The following HSD17B10 variants were observed in gnomAD, a reference collection of about 807,000 sequenced individuals.
HSD17B10 encodes the protein hydroxysteroid 17-beta dehydrogenase 10.
For synonymous variants in HSD17B10, 90 were observed against 85.9 expected, an observed-to-expected ratio of 1.05 and a Z score of -0.26; for missense variants, 87 against 219.4, an observed-to-expected ratio of 0.40 and a Z score of 3.81.
rs1215705866 is a variant in HSD17B10, at chrX:53,432,422, A to C, written c.193-11T>G. ...CTTCTCAGAGGTCACCTTCAAAGAGAGAAGTGGAGAAGGTATTCATCTCCC... is the reference window on the plus strand; with the variant it reads ...CTTCTCAGAGGTCACCTTCAAAGAGCGAAGTGGAGAAGGTATTCATCTCCC... On this transcript the variant is annotated splice_polypyrimidine_tract_variant and intron_variant, in intron 2 of 5. Coordinates refer to ENST00000168216, the MANE Select transcript of HSD17B10 (RefSeq NM_004493.3). The C allele has an allele frequency of 2.5e-6, 3 of 1,191,103 alleles. No individual in the cohort carries two copies. Among genetic ancestry groups the C allele is most frequent in the Non-Finnish European group, 3.4e-6 (3 of 882,727 alleles).
At chrX:53,431,941 C>G (rs1569365681) in intron 4 of HSD17B10, 35 bp from the exon 5 acceptor site, 9 of 1,210,399 alleles carry the variant, frequency 7.4e-6, no homozygotes, top group Non-Finnish European at 1.0e-5. Flanking sequence ...GTGGGAGGGC[C>G]CCAACAAGTC....
At chrX:53,432,223 C>T in intron 3 of HSD17B10, 24 bp downstream of exon 3, 1 of 1,208,362 alleles carries the variant, frequency 8.3e-7, no homozygotes, top group Non-Finnish European at 1.1e-6. Flanking sequence ...TACCACTATC[C>T]CTGGAGAACT....
At chrX:53,434,170 A>C in intron 1 of HSD17B10, 149 bp downstream of exon 1, 1 of 643,297 alleles carries the variant, frequency 1.6e-6, no homozygotes, top group Non-Finnish European at 2.5e-6. Flanking sequence ...CGGAGTGCTG[A>C]CTTTCACCTC....
intron 3 of HSD17B10, 27 bp from the exon 4 acceptor site, chrX:53,432,143 A>C: frequency 8.3e-7 from 1 of 1,211,218 alleles, no homozygotes; most frequent in Non-Finnish European, 1.1e-6. Flanking sequence ...GACATGCTAT[A>C]GGACCTGAGG....
intron 2 of HSD17B10, 132 bp from the exon 3 acceptor site, chrX:53,432,543 G>A: frequency 1.7e-6 from 1 of 587,430 alleles, no homozygotes; most frequent in Non-Finnish European, 2.9e-6. Flanking sequence ...GAGGCCAAGA[G>A]AAAGGTTGTA....
Position 53,431,296 on chromosome X carries a change from G to A in HSD17B10, c.*108C>T, listed in dbSNP as rs1201199641. On this transcript the variant is annotated 3_prime_UTR_variant, in exon 6 of 6. Transcript: ENST00000168216. ...AGAGACTTTATTAGGCACAGAGGGC[G>A]ACTGGTAGGCAGTTACAAAATGGCT... is the stretch of plus-strand genomic sequence containing the variant. The A allele has an allele frequency of 2.6e-6, 2 of 756,090 alleles. No homozygotes were observed. The highest frequency in any genetic ancestry group is 2.0e-6 in the Non-Finnish European group (1 of 497,745). The allele number at this position is 756,090 out of a possible 1,213,427, so 62.3% of individuals were successfully genotyped here.
chrX:53,431,440 G>A lies in HSD17B10; in HGVS notation c.750C>T (p.Val250=). 2 of 1,210,841 alleles carry A rather than the reference G, an allele frequency of 1.7e-6. No individual in the cohort carries two copies. Among genetic ancestry groups the A allele is most frequent in the Non-Finnish European group, 2.2e-6 (2 of 894,990 alleles). ...TACGAATGGCCCCATCCAGCCGGAT[G>A]ACCTCTCCATTGAGGAATGGGTTCT... is the stretch of plus-strand genomic sequence containing the variant. ...IIENPFLNGE[V]IRLDGAIRMQ... Residue 250 remains valine, a synonymous_variant, in exon 6 of 6, where the codon GTC becomes GTT. Coordinates refer to ENST00000168216, the MANE Select transcript of HSD17B10 (RefSeq NM_004493.3).
Position 53,431,285 on chromosome X carries a change from G to A in HSD17B10, c.*119C>T, listed in dbSNP as rs782466317. ...CTGTGAGAAAAAGAGACTTTATTAG[G>A]CACAGAGGGCGACTGGTAGGCAGTT... is the stretch of plus-strand genomic sequence containing the variant. On this transcript the variant is annotated 3_prime_UTR_variant, in exon 6 of 6. Coordinates refer to ENST00000168216, the MANE Select transcript of HSD17B10 (RefSeq NM_004493.3). 106 of 705,111 alleles carry A rather than the reference G, an allele frequency of 1.5e-4. 1 individual carries two copies. In the Middle Eastern group the frequency reaches 2.7e-3, roughly 18 times the overall value. The allele number at this position is 705,111 out of a possible 1,213,427, so 58.1% of individuals were successfully genotyped here.
Position 53,431,790 on chromosome X carries a change from A to G in HSD17B10, c.595+8T>C. 8.4e-7 allele frequency: 1 copy of G among 1,187,814 alleles called. No individual in the cohort carries two copies. Among genetic ancestry groups the G allele is most frequent in the Non-Finnish European group, 1.1e-6 (1 of 874,541 alleles). ...CCCAGGTATGATGGAGAGAGGGGAT[A>G]TGTCTACCTGGGGCAATGGTCATCA... On this transcript the variant is annotated splice_region_variant and intron_variant, in intron 5 of 5. Coordinates refer to ENST00000168216, the MANE Select transcript of HSD17B10 (RefSeq NM_004493.3).
chrX:53,432,171 C>G, intron 3 of HSD17B10, 55 bp from the exon 4 acceptor site: 1 of 1,209,976 alleles, frequency 8.3e-7, no homozygotes, highest in Non-Finnish European at 1.1e-6. Flanking sequence ...AGCCTTTGTC[C>G]CCTAAAAACT....
At chrX:53,431,928 T>C (rs782167456) in intron 4 of HSD17B10, 22 bp from the exon 5 acceptor site, 3 of 1,209,364 alleles carry the variant, frequency 2.5e-6, no homozygotes, top group Admixed American at 4.3e-5. Context: ...GTAGAAGTCA[T>C]AGGTGGGAGG....
rs949464841 is a variant in HSD17B10, at chrX:53,431,985, C to T, written c.486+3G>A. On this transcript the variant is annotated splice_donor_region_variant and intron_variant, in intron 4 of 5. Coordinates refer to ENST00000168216, the MANE Select transcript of HSD17B10 (RefSeq NM_004493.3). Reference sequence around the variant, plus strand: ...GGCATAAGTCTTACCCCTGCCCACACACCTGACCCTCGAAGGCAGCCACAC... The same window carrying T: ...GGCATAAGTCTTACCCCTGCCCACATACCTGACCCTCGAAGGCAGCCACAC... The T allele has an allele frequency of 4.5e-5, 54 of 1,209,708 alleles. No individual in the cohort carries two copies. Among genetic ancestry groups the T allele is most frequent in the Non-Finnish European group, 5.8e-5 (52 of 895,159 alleles).
At chrX:53,434,038 C>T (rs1737710660) in intron 1 of HSD17B10, 152 bp from the exon 2 acceptor site, 1 of 656,427 alleles carries the variant, frequency 1.5e-6, no homozygotes, top group Non-Finnish European at 2.4e-6. Flanking sequence ...TGCTTCTCCT[C>T]AGCGTTGGGA....
At chrX:53,432,146 A>G in intron 3 of HSD17B10, 30 bp from the exon 4 acceptor site, 1 of 1,211,059 alleles carries the variant, frequency 8.3e-7, no homozygotes, top group East Asian at 3.0e-5. Context: ...ATGCTATAGG[A>G]CCTGAGGCAG....
intron 4 of HSD17B10, 21 bp downstream of exon 4, chrX:53,431,967 G>A: frequency 4.1e-6 from 5 of 1,211,342 alleles, no homozygotes; most frequent in Non-Finnish European, 5.6e-6. Context: ...GGAGGCATAA[G>A]TCTTACCCCT....
At chrX:53,431,631 C>T in intron 5 of HSD17B10, 37 bp from the exon 6 acceptor site, 2 of 1,124,922 alleles carry the variant, frequency 1.8e-6, no homozygotes, top group Non-Finnish European at 2.4e-6. Context: ...CTCACCCTTG[C>T]TTTCATGATT....
In HSD17B10 at chrX:53,434,338, G is replaced by A. The variant is rs1556895066; in HGVS notation, c.8C>T (p.Ala3Val). 1.7e-6 allele frequency: 2 copies of A among 1,167,179 alleles called. No individual in the cohort carries two copies. Among genetic ancestry groups the A allele is most frequent in the Admixed American group, 5.2e-5 (2 of 38,692 alleles). MA[A>V]ACRSVKGLVA... ...TTCTACCTTCACGCTCCGACACGCT[G>A]CTGCCATCTTGTCGCCGGCCACTCC... Residue 3 changes from alanine to valine, a missense_variant, in exon 1 of 6, where the codon GCA becomes GTA. By Grantham distance (64) the Ala-to-Val change is moderately conservative. Coordinates refer to ENST00000168216, the MANE Select transcript of HSD17B10 (RefSeq NM_004493.3).
intron 2 of HSD17B10, 69 bp from the exon 3 acceptor site, chrX:53,432,480 G>A (rs1556894696): frequency 2.2e-6 from 2 of 893,678 alleles, no homozygotes; most frequent in African/African-American, 3.9e-5. Flanking sequence ...CCTGAGGGAG[G>A]GCAGGGCAGG....
At chrX:53,434,122 A>G in intron 1 of HSD17B10, 197 bp downstream of exon 1, 1 of 564,665 alleles carries the variant, frequency 1.8e-6, no homozygotes, top group Non-Finnish European at 3.0e-6. Context: ...ATTGATAGAT[A>G]GATAGATAGA....
Sources: allele counts gnomAD v4.1 joint callset, GRCh38; gene constraint gnomAD v4.1.1; transcripts MANE v1.5; gene names NCBI Gene and HGNC (gene_info 2026-07-23, HGNC 2026-07-21).